The following PIK3AP1 variants were observed in gnomAD, a reference collection of about 807,000 sequenced individuals.
PIK3AP1 encodes phosphoinositide 3-kinase adapter protein 1.
A neutral mutation model predicts 88.1 loss-of-function variants in PIK3AP1; 21 were observed. That is an observed-to-expected ratio of 0.24 (90% CI 0.17 to 0.34). PIK3AP1 has a LOEUF of 0.34. Among genes scored for constraint, PIK3AP1 ranks in the 10% least tolerant of loss-of-function variants. PIK3AP1 has a pLI of 1.00. For synonymous variants in PIK3AP1, 398 were observed against 400.0 expected (o/e 1.00, Z 0.06); for missense variants, 828 against 1,035.7 (o/e 0.80, Z 2.75).
At position 96,615,343 on chromosome 10, in the gene PIK3AP1, T is replaced by A. The variant is rs372311539; in HGVS notation, c.2014+1296A>T. Among the ~76,000 whole-genome samples the A allele has an allele frequency of 6.6e-5, 10 of 152,248 alleles. No homozygotes were observed. In the South Asian group the frequency reaches 2.1e-3, roughly 32 times the overall value. ...CAAGGGCGTGGCATTATCTGACTTTTAAATTTTTTAAACATCATTGGCTAC... is the reference window on the plus strand; with the variant it reads ...CAAGGGCGTGGCATTATCTGACTTTAAAATTTTTTAAACATCATTGGCTAC... On this transcript the variant is annotated intron_variant, in intron 13 of 16. Coordinates refer to ENST00000339364, the MANE Select transcript of PIK3AP1 (RefSeq NM_152309.3).
chr10:96,605,596 G>T (rs1159832733), intron 14 of PIK3AP1, among the ~76,000 whole-genome samples: 1 of 152,104 alleles, frequency 6.6e-6, no homozygotes, highest in East Asian at 1.9e-4. Context: ...AATAGCTCCT[G>T]GTCATGTAAG....
chr10:96,630,389 C>T (rs911104070), intron 8 of PIK3AP1, among the ~76,000 whole-genome samples: 1 of 152,144 alleles, frequency 6.6e-6, no homozygotes, highest in African/African-American at 2.4e-5. Context: ...TGAAGCATAC[C>T]TAGAGATGCA....
intron 14 of PIK3AP1, among the ~76,000 whole-genome samples, chr10:96,605,870 G>C (rs982057456): frequency 1.1e-4 from 17 of 152,180 alleles, no homozygotes; most frequent in Non-Finnish European, 1.8e-4. Flanking sequence ...TGGATCACGA[G>C]GTCAGCAGTT....
intron 7 of PIK3AP1, 114 bp from the exon 8 acceptor site, chr10:96,645,776 T>G (rs1423309588): frequency 3.6e-6 from 3 of 834,584 alleles, no homozygotes; most frequent in African/African-American, 1.7e-5. Flanking sequence ...GAGTCAGGAT[T>G]ACAACTGGTT....
intron 2 of PIK3AP1, among the ~76,000 whole-genome samples, chr10:96,697,493 G>C (rs1844236573): frequency 6.6e-6 from 1 of 152,218 alleles, no homozygotes; most frequent in Non-Finnish European, 1.5e-5. Flanking sequence ...GGGAGGACAA[G>C]GGGAGGACTG....
intron 1 of PIK3AP1, among the ~76,000 whole-genome samples, chr10:96,717,635 G>GAAGA (rs1844519728): frequency 6.6e-6 from 1 of 152,198 alleles, no homozygotes; most frequent in Non-Finnish European, 1.5e-5. Flanking sequence ...GATCTAAAGA[G>GAAGA]AAGAGCCTTG....
intron 2 of PIK3AP1, among the ~76,000 whole-genome samples, chr10:96,693,037 A>G (rs1259293100): frequency 1.3e-5 from 2 of 152,196 alleles, no homozygotes; most frequent in Non-Finnish European, 2.9e-5. Context: ...TGTCCACTGT[A>G]GAAACATAGA....
intron 8 of PIK3AP1, among the ~76,000 whole-genome samples, chr10:96,634,303 G>T (rs951386214): frequency 1.3e-5 from 2 of 152,238 alleles, no homozygotes; most frequent in African/African-American, 4.8e-5. Flanking sequence ...CCGAAGTCAG[G>T]AGTAAAGGTA....
At chr10:96,622,609 T>A (rs1010059752) in intron 11 of PIK3AP1, among the ~76,000 whole-genome samples, 1 of 152,226 alleles carries the variant, frequency 6.6e-6, no homozygotes, top group African/African-American at 2.4e-5. Flanking sequence ...AGGCTCTCTT[T>A]AATGGTATTG....
intron 2 of PIK3AP1, among the ~76,000 whole-genome samples, chr10:96,674,403 C>G (rs1014441281): frequency 1.3e-5 from 2 of 152,172 alleles, no homozygotes; most frequent in African/African-American, 4.8e-5. Flanking sequence ...TTATGCCTGC[C>G]TGGTTTGTTG....
intron 4 of PIK3AP1, 120 bp from the exon 5 acceptor site, chr10:96,651,771 A>C: frequency 2.5e-6 from 3 of 1,201,522 alleles, no homozygotes; most frequent in Non-Finnish European, 3.5e-6. Flanking sequence ...GCTGGAAGAA[A>C]GATCTTGGAG....
At chr10:96,639,952 C>T (rs2134222086) in intron 8 of PIK3AP1, among the ~76,000 whole-genome samples, 1 of 152,320 alleles carries the variant, frequency 6.6e-6, no homozygotes, top group African/African-American at 2.4e-5. Flanking sequence ...GCCCCCAGCT[C>T]AGATGGAACC....
chr10:96,662,168 C>T (rs1843696486), intron 2 of PIK3AP1, among the ~76,000 whole-genome samples: 2 of 152,078 alleles, frequency 1.3e-5, no homozygotes, highest in African/African-American at 2.4e-5. Flanking sequence ...GTGGAAACAG[C>T]CCAAATGTCC....
chr10:96,619,194 A>T lies in PIK3AP1; in HGVS notation c.1941+1158T>A, dbSNP rs554125502. ...TATTTAACGCTGAGCACAATGCCTAACATAGCACTGTCGGAGGTCAGCAAA... is the reference window on the plus strand; with the variant it reads ...TATTTAACGCTGAGCACAATGCCTATCATAGCACTGTCGGAGGTCAGCAAA... On this transcript the variant is annotated intron_variant, in intron 12 of 16. Transcript: ENST00000339364. Among the ~76,000 whole-genome samples the T allele has an allele frequency of 4.6e-5, 7 of 152,336 alleles. No individual in the cohort carries two copies. In the South Asian group the frequency reaches 1.4e-3, roughly 32 times the overall value.
chr10:96,663,175 A>C (rs1042388146), intron 2 of PIK3AP1, among the ~76,000 whole-genome samples: 1 of 152,124 alleles, frequency 6.6e-6, no homozygotes, highest in Non-Finnish European at 1.5e-5. Flanking sequence ...AGAGGTATGA[A>C]ATTTCTTTCT....
intron 1 of PIK3AP1, among the ~76,000 whole-genome samples, chr10:96,711,015 T>C (rs144566219): frequency 6.1e-4 from 93 of 152,316 alleles, no homozygotes; most frequent in African/African-American, 2.0e-3. Flanking sequence ...CTGCAAGGTG[T>C]CCCTCACCAC....
intron 2 of PIK3AP1, among the ~76,000 whole-genome samples, chr10:96,695,948 G>C (rs927849063): frequency 6.6e-6 from 1 of 152,116 alleles, no homozygotes; most frequent in African/African-American, 2.4e-5. Context: ...GTTTGAACTT[G>C]AAGAGTAATT....
chr10:96,612,900 G>A (rs1849137238), intron 13 of PIK3AP1, among the ~76,000 whole-genome samples: 1 of 143,756 alleles, frequency 7.0e-6, no homozygotes, highest in African/African-American at 2.7e-5. Flanking sequence ...AAGTGGTAGT[G>A]CTGGCACAAC....
intron 6 of PIK3AP1, among the ~76,000 whole-genome samples, chr10:96,650,913 T>A (rs549580260): frequency 1.3e-5 from 2 of 152,346 alleles, no homozygotes; most frequent in Admixed American, 1.3e-4. Context: ...GAACCTCCCC[T>A]GACAGTACTT....
Sources: allele counts gnomAD v4.1 joint callset (sites outside exome capture counted in the v4.1 genomes callset), GRCh38; gene constraint gnomAD v4.1.1; transcripts MANE v1.5; gene names NCBI Gene and HGNC (gene_info 2026-07-23, HGNC 2026-07-21).